TNFSF13B: variants seen among roughly 807,000 people sequenced by gnomAD.
TNFSF13B encodes the protein TNF superfamily member 13b.
In TNFSF13B, 8 loss-of-function variants were observed where a neutral mutation model predicts 29.1. The ratio of observed to expected loss-of-function variants is 0.27; its 90% CI spans 0.16 to 0.50. The LOEUF is 0.50. Ranked by LOEUF, TNFSF13B falls within the 20% of genes least tolerant of loss-of-function variation. The pLI is 0.98. For synonymous variants in TNFSF13B, 125 were observed against 130.8 expected (o/e 0.96, Z 0.30); for missense variants, 248 against 334.9 (o/e 0.74, Z 2.03).
intron 4 of TNFSF13B, 41 bp downstream of exon 4, chr13:108,303,406 T>C (rs1394315154): frequency 6.2e-7 from 1 of 1,609,844 alleles, no homozygotes; most frequent in East Asian, 2.2e-5. Context: ...GTTCAAAGCC[T>C]CCCATTTTGT....
At chr13:108,276,013 G>T (rs1255763823) in intron 2 of TNFSF13B, among the ~76,000 whole-genome samples, 1 of 152,122 alleles carries the variant, frequency 6.6e-6, no homozygotes, top group Non-Finnish European at 1.5e-5. Context: ...TACTATTTTT[G>T]AGTCTTCTTT....
At chr13:108,293,229 C>T (rs1285556494) in intron 3 of TNFSF13B, among the ~76,000 whole-genome samples, 3 of 151,970 alleles carry the variant, frequency 2.0e-5, no homozygotes, top group African/African-American at 4.8e-5. Flanking sequence ...ATCAGTTGTA[C>T]GTAGATGTAT....
At chr13:108,286,102 T>C (rs893358732) in intron 2 of TNFSF13B, among the ~76,000 whole-genome samples, 1 of 152,226 alleles carries the variant, frequency 6.6e-6, no homozygotes, top group Non-Finnish European at 1.5e-5. Flanking sequence ...TTGTAAAAGA[T>C]GTTCTATCTC....
chr13:108,282,539 T>A (rs1880986539), intron 2 of TNFSF13B, among the ~76,000 whole-genome samples: 1 of 152,196 alleles, frequency 6.6e-6, no homozygotes, highest in Admixed American at 6.5e-5. Flanking sequence ...ACACTCTAAT[T>A]GTGAAGTATT....
At chr13:108,274,299 T>C (rs1238046638) in intron 2 of TNFSF13B, among the ~76,000 whole-genome samples, 1 of 151,648 alleles carries the variant, frequency 6.6e-6, no homozygotes, top group African/African-American at 2.4e-5. Flanking sequence ...ACAATACATA[T>C]GAACAATACA....
chr13:108,306,613 C>T (rs970887988), intron 5 of TNFSF13B, among the ~76,000 whole-genome samples: 23 of 151,848 alleles, frequency 1.5e-4, no homozygotes, highest in African/African-American at 5.6e-4. Context: ...GTGATAAATG[C>T]ATACATATCT....
intron 3 of TNFSF13B, chr13:108,301,268 C>A (rs1357506792): frequency 1.3e-5 from 2 of 152,138 alleles, no homozygotes; most frequent in Non-Finnish European, 2.9e-5. Flanking sequence ...TAACCATGCC[C>A]AACTCTGCTT....
chr13:108,307,057 A>G lies in TNFSF13B; in HGVS notation c.*119A>G, dbSNP rs930175895. 4 of 659,172 alleles carry G rather than the reference A, an allele frequency of 6.1e-6. No homozygotes were observed. The highest frequency in any genetic ancestry group is 9.7e-6 in the Non-Finnish European group (4 of 411,236). 40.8% of individuals were successfully genotyped at this position (659,172 alleles called of 1,614,324 possible). A position where few individuals can be genotyped will look rare whatever the true frequency, so the allele number is the denominator to read the frequency against. ...AAAAAAAAAAAAAAAAGTAGTTACC[A>G]TTGCCTTTTCTGTGAGCTATTTGTT... On this transcript the variant is annotated 3_prime_UTR_variant, in exon 6 of 6. Coordinates refer to ENST00000375887, the MANE Select transcript of TNFSF13B (RefSeq NM_006573.5).
chr13:108,273,835 A>G (rs1204252725), intron 2 of TNFSF13B, among the ~76,000 whole-genome samples: 1 of 152,178 alleles, frequency 6.6e-6, no homozygotes, highest in Non-Finnish European at 1.5e-5. Flanking sequence ...GAGTCATGAC[A>G]TTATAGTTGA....
intron 2 of TNFSF13B, among the ~76,000 whole-genome samples, chr13:108,280,217 G>A (rs1880898595): frequency 1.3e-5 from 2 of 151,986 alleles, no homozygotes; most frequent in African/African-American, 4.8e-5. Context: ...ATTATTAGTT[G>A]AACTCCAAGA....
chr13:108,280,333 A>G (rs1264671246), intron 2 of TNFSF13B, among the ~76,000 whole-genome samples: 1 of 152,196 alleles, frequency 6.6e-6, no homozygotes, highest in African/African-American at 2.4e-5. Context: ...TGAGAAAGAT[A>G]AAGCATTATA....
intron 3 of TNFSF13B, among the ~76,000 whole-genome samples, chr13:108,299,361 G>C (rs1339344104): frequency 1.8e-5 from 2 of 110,284 alleles, no homozygotes; most frequent in African/African-American, 3.6e-5. Context: ...AAAGTGAACA[G>C]TTAGGCAGTT....
At chr13:108,304,179 G>A (rs1266388175) in intron 5 of TNFSF13B, among the ~76,000 whole-genome samples, 36 of 152,180 alleles carry the variant, frequency 2.4e-4, no homozygotes, top group Admixed American at 2.4e-3. Context: ...CTTGCATGCT[G>A]TGGAAGAAAT....
chr13:108,305,187 A>G (rs1317726267), intron 5 of TNFSF13B, among the ~76,000 whole-genome samples: 2 of 152,046 alleles, frequency 1.3e-5, no homozygotes, highest in African/African-American at 4.8e-5. Flanking sequence ...TCAGGTTTGC[A>G]ATTTTAATCT....
rs528947172 is a variant in TNFSF13B, at chr13:108,270,931, T to C, written c.424+507T>C. 4.6e-5 allele frequency among the ~76,000 whole-genome samples: 7 copies of C among 151,906 alleles called. No homozygotes were observed. In the South Asian group the frequency reaches 1.5e-3, roughly 32 times the overall value. On this transcript the variant is annotated intron_variant, in intron 2 of 5. Coordinates refer to ENST00000375887, the MANE Select transcript of TNFSF13B (RefSeq NM_006573.5). ...GTATGTTGTACTTTAATTTTGTTTA[T>C]TTGTTAAAAAGGTTATTTTACACAC...
At chr13:108,291,384 TTA>T (rs1209388912) in intron 3 of TNFSF13B, among the ~76,000 whole-genome samples, 3 of 151,792 alleles carry the variant, frequency 2.0e-5, no homozygotes, top group African/African-American at 7.2e-5. Context: ...TTATATTTTT[TTA>T]GTCTCCTTTT....
rs1881803725 is a variant in TNFSF13B, at chr13:108,307,214, A to G, written c.*276A>G. 1 of 281,628 alleles carries G rather than the reference A, an allele frequency of 3.6e-6. No homozygotes were observed. The highest frequency in any genetic ancestry group is 6.6e-6 in the Non-Finnish European group (1 of 151,910). 17.4% of individuals were successfully genotyped at this position (281,628 alleles called of 1,614,324 possible). ...TAGAAAGGCTTTTCATTATAATTCC[A>G]TGTTGAACAATTGAGTCATAGCTTC... is the stretch of plus-strand genomic sequence containing the variant. On this transcript the variant is annotated 3_prime_UTR_variant, in exon 6 of 6. Coordinates refer to ENST00000375887, the MANE Select transcript of TNFSF13B (RefSeq NM_006573.5).
chr13:108,270,279 A>G (rs1340488782), intron 1 of TNFSF13B, 45 bp downstream of exon 1: 4 of 1,612,840 alleles, frequency 2.5e-6, no homozygotes, highest in Non-Finnish European at 3.4e-6. Context: ...TCCTGCCTAC[A>G]CTGCTGCCTC....
At chr13:108,304,425 A>C (rs986136166) in intron 5 of TNFSF13B, among the ~76,000 whole-genome samples, 3 of 152,196 alleles carry the variant, frequency 2.0e-5, no homozygotes, top group Admixed American at 1.3e-4. Context: ...GTGTAGGCGC[A>C]AACCTACCTT....
Sources: allele counts gnomAD v4.1 joint callset (sites outside exome capture counted in the v4.1 genomes callset), GRCh38; gene constraint gnomAD v4.1.1; transcripts MANE v1.5; gene names NCBI Gene and HGNC (gene_info 2026-07-23, HGNC 2026-07-21).